FANCA: variants seen among roughly 807,000 people sequenced by gnomAD.
The protein encoded by FANCA is FA complementation group A.
FANCA carries 236 observed loss-of-function variants against 194.3 expected under a neutral mutation model. The observed-to-expected ratio is 1.21, with a 90% confidence interval of 1.09 to 1.35. The LOEUF is 1.35. Ranked by LOEUF, FANCA falls within the 40% of genes most tolerant of loss-of-function variation. The pLI is 0.00. For missense variants in FANCA, 2,628 were observed against 1,813.9 expected (o/e 1.45, Z -8.15); for synonymous variants, 1,014 against 715.8 (o/e 1.42, Z -6.65).
chr16:89,741,725 C>T (rs976527800), intron 37 of FANCA, among the ~76,000 whole-genome samples: 7 of 152,182 alleles, frequency 4.6e-5, no homozygotes, highest in South Asian at 2.1e-4. Flanking sequence ...TGGCTGCAGA[C>T]GGTCCCATCC....
At chr16:89,792,716 C>T (rs901903648) in intron 11 of FANCA, 169 bp from the exon 12 acceptor site, 14 of 602,838 alleles carry the variant, frequency 2.3e-5, no homozygotes, top group East Asian at 9.4e-5. Context: ...CAGCTGGGCC[C>T]GGGGGACCAC....
At chr16:89,767,611 C>A (rs1033496439) in intron 26 of FANCA, among the ~76,000 whole-genome samples, 2 of 151,994 alleles carry the variant, frequency 1.3e-5, no homozygotes, top group African/African-American at 4.8e-5. Context: ...TAGAGTGGTG[C>A]GATTTCGGCT....
intron 6 of FANCA, among the ~76,000 whole-genome samples, chr16:89,806,666 G>A (rs901643516): frequency 6.6e-6 from 1 of 152,102 alleles, no homozygotes; most frequent in Non-Finnish European, 1.5e-5. Flanking sequence ...AGGGTTGGGG[G>A]CAAGGTCACA....
chr16:89,737,910 G>C lies in FANCA; in HGVS notation c.*691C>G, dbSNP rs372441703. ...TTCGGGAGCCAAGCCTTTGCAGTAA[G>C]TGTGAGTCAGGACCCCCTCCCAGGG... On this transcript the variant is annotated 3_prime_UTR_variant, in exon 43 of 43. Coordinates refer to ENST00000389301, the MANE Select transcript of FANCA (RefSeq NM_000135.4). 2 of 1,585,158 alleles carry C rather than the reference G, an allele frequency of 1.3e-6. No homozygotes were observed. Among genetic ancestry groups the C allele is most frequent in the African/African-American group, 1.7e-5 (1 of 60,576 alleles).
intron 20 of FANCA, chr16:89,778,379 T>C (rs1470008571): frequency 2.4e-5 from 9 of 376,748 alleles, no homozygotes; most frequent in Non-Finnish European, 3.6e-5. Flanking sequence ...GGCAGGACAA[T>C]TGCTCCAACC....
chr16:89,803,982 A>C (rs144600456), intron 7 of FANCA, among the ~76,000 whole-genome samples: 97 of 152,220 alleles, frequency 6.4e-4, no homozygotes, highest in African/African-American at 2.3e-3. Context: ...CTTGCCTGCC[A>C]ATCTCCAATA....
rs986264914 is a variant in FANCA, at chr16:89,737,557, A to G, written c.*1044T>C. ...AAGACAAGAATCTGTGGTTAAGGAA[A>G]TAGCTTTCTGAGGTTTCTTTAAAAA... On this transcript the variant is annotated 3_prime_UTR_variant, in exon 43 of 43. Transcript: ENST00000389301. 1.7e-6 allele frequency: 1 copy of G among 585,580 alleles called. No individual in the cohort carries two copies. The highest frequency in any genetic ancestry group is 2.8e-6 in the Non-Finnish European group (1 of 360,270). 36.3% of individuals were successfully genotyped at this position (585,580 alleles called of 1,614,324 possible).
Position 89,764,941 on chromosome 16 carries a change from A to C in FANCA, c.2727T>G (p.Ser909=). Residue 909 remains serine, a synonymous_variant, in exon 28 of 43, where the codon TCT becomes TCG. Coordinates refer to ENST00000389301, the MANE Select transcript of FANCA (RefSeq NM_000135.4). ...PSADWQRAAL[S]LWTHRTFREV... ...CTCGGAAGGTTCTGTGTGTCCAGAG[A>C]GAGAGGGCAGCTCTCTGCCAGTCTG... The C allele has an allele frequency of 6.2e-7, 1 of 1,614,208 alleles. No individual in the cohort carries two copies. Among genetic ancestry groups the C allele is most frequent in the Non-Finnish European group, 8.5e-7 (1 of 1,180,018 alleles).
intron 7 of FANCA, among the ~76,000 whole-genome samples, chr16:89,804,295 T>G (rs568665366): frequency 7.2e-5 from 11 of 152,200 alleles, no homozygotes; most frequent in African/African-American, 2.6e-4. Context: ...CCAGCAGGTG[T>G]TCCTCAGAAC....
chr16:89,754,411 G>A (rs1433175482), intron 30 of FANCA, among the ~76,000 whole-genome samples: 6 of 151,872 alleles, frequency 4.0e-5, no homozygotes, highest in Non-Finnish European at 5.9e-5. Flanking sequence ...CACTCTTGTC[G>A]CCCAGGCTGG....
intron 10 of FANCA, among the ~76,000 whole-genome samples, chr16:89,796,251 A>G (rs2040242018): frequency 6.6e-6 from 1 of 152,160 alleles, no homozygotes; most frequent in Non-Finnish European, 1.5e-5. Context: ...GAAGGAGCAG[A>G]AGGAAACAGG....
chr16:89,791,492 G>A lies in FANCA; in HGVS notation c.1270C>T (p.Leu424=). 6.2e-7 allele frequency: 1 copy of A among 1,614,168 alleles called. No homozygotes were observed. Among genetic ancestry groups the A allele is most frequent in the Non-Finnish European group, 8.5e-7 (1 of 1,180,030 alleles). ...LMAQAFESCQ[L]DSMVTAFLVV... The stretch of plus-strand genomic sequence containing the variant: ...AGGAACGCAGTGACCATGCTGTCCA[G>A]CTGGCAGCTCTCGAATGCCTGGGCC... The change falls in exon 14 of 43, where the codon CTG becomes TTG. Residue 424 remains leucine (L), a synonymous_variant. Transcript: ENST00000389301.
In FANCA at chr16:89,811,072, C is replaced by A. The variant is rs781216924; in HGVS notation, c.284-1G>T. ...GAGGCTTGATCCTGCAAAGCAGAGC[C>A]TTAAACACAAAACAAAACCATAGCT... On this transcript the variant is annotated splice_acceptor_variant, in intron 3 of 42. Coordinates refer to ENST00000389301, the MANE Select transcript of FANCA (RefSeq NM_000135.4). LOFTEE classifies it high-confidence loss of function. 6.2e-7 allele frequency: 1 copy of A among 1,613,970 alleles called. No homozygotes were observed. Among genetic ancestry groups the A allele is most frequent in the South Asian group, 1.1e-5 (1 of 91,086 alleles).
chr16:89,794,771 C>T (rs2040187275), intron 11 of FANCA, among the ~76,000 whole-genome samples: 2 of 152,128 alleles, frequency 1.3e-5, no homozygotes, highest in Non-Finnish European at 2.9e-5. Flanking sequence ...TGGCCTTATT[C>T]GTAAGACTGA....
chr16:89,788,793 TAAAAG>T (rs1001042250), intron 14 of FANCA, among the ~76,000 whole-genome samples: 2 of 152,196 alleles, frequency 1.3e-5, no homozygotes, highest in African/African-American at 4.8e-5. Context: ...CTCAGTCTCT[TAAAAG>T]AAAACACAAA....
Position 89,744,981 on chromosome 16 carries a change from C to G in FANCA, c.3604G>C (p.Glu1202Gln), listed in dbSNP as rs764100351. The G allele has an allele frequency of 1.2e-6, 2 of 1,611,898 alleles. No homozygotes were observed. Among genetic ancestry groups the G allele is most frequent in the Non-Finnish European group, 1.7e-6 (2 of 1,179,886 alleles). Residue 1202 changes from glutamate to glutamine, a missense_variant, in exon 36 of 43, where the codon GAA becomes CAA. Glu to Gln is a conservative substitution (Grantham distance 29). Transcript: ENST00000389301. ...PLPRELQKLQ[E>Q]GRQFASDFLS... ...TACTCGCTGGCAAACTGCCGGCCTT[C>G]TTGTAGCTTCTGCAGTTCCCGGGGC...
At chr16:89,815,098 C>T (rs2041051953) in intron 2 of FANCA, among the ~76,000 whole-genome samples, 2 of 151,864 alleles carry the variant, frequency 1.3e-5, no homozygotes, top group African/African-American at 2.4e-5. Context: ...AGTGCAATGG[C>T]GGGATCTCAC....
chr16:89,738,734 C>T, intron 42 of FANCA, 26 bp from the exon 43 acceptor site: 3 of 1,613,094 alleles, frequency 1.9e-6, no homozygotes, highest in Non-Finnish European at 2.5e-6. Flanking sequence ...AGGTCCTCAG[C>T]CCATGCCGCC....
chr16:89,748,727 T>G lies in FANCA; in HGVS notation c.3280A>C (p.Ser1094Arg). ...RLPSSVLCGSSFQAEQPITAR... is the reference protein window; with the variant it reads ...RLPSSVLCGSRFQAEQPITAR... ...GTGATGGGCTGTTCTGCCTGGAAGC[T>G]GCTGCCGCAGAGGACAGACGAAGGC... Residue 1094 changes from serine (S) to arginine (R), a missense_variant, in exon 33 of 43, where the codon AGC (serine) becomes CGC (arginine). By Grantham distance (110) the Ser-to-Arg change is moderately radical. Transcript: ENST00000389301. 5 of 1,614,150 alleles carry G rather than the reference T, an allele frequency of 3.1e-6. No individual in the cohort carries two copies. The highest frequency in any genetic ancestry group is 4.2e-6 in the Non-Finnish European group (5 of 1,180,036).
Sources: gnomAD v4.1 joint callset for allele counts (sites outside exome capture counted in the v4.1 genomes callset) on GRCh38, gnomAD v4.1.1 for gene constraint, MANE v1.5 for transcripts, NCBI Gene and HGNC (gene_info 2026-07-23, HGNC 2026-07-21) for gene names.